Variants in FOXN3 observed in about 807,000 individuals in gnomAD.
FOXN3 encodes the protein forkhead box N3, also known as forkhead box protein N3.
Under a neutral mutation model 38.4 loss-of-function variants are expected in FOXN3, and 7 were observed. The ratio of observed to expected loss-of-function variants is 0.18; its 90% CI spans 0.10 to 0.34. The LOEUF is 0.34. Ranked by LOEUF, FOXN3 falls within the 10% of genes least tolerant of loss-of-function variation. The pLI is 1.00. For missense variants in FOXN3, 456 were observed against 613.4 expected (o/e 0.74, Z 2.71); for synonymous variants, 230 against 242.2 (o/e 0.95, Z 0.47).
chr14:89,511,264 T>C (rs373256256), intron 1 of FOXN3, among the ~76,000 whole-genome samples: 7,520 of 26,892 alleles, frequency 0.28, 2,800 homozygotes, highest in Middle Eastern at 0.58. Flanking sequence ...TCTTTCTTTC[T>C]TTCTTTCTTT....
At chr14:89,554,698 CAAAA>C (rs1230701200) in intron 1 of FOXN3, among the ~76,000 whole-genome samples, 1 of 147,650 alleles carries the variant, frequency 6.8e-6, no homozygotes, top group African/African-American at 2.5e-5. Context: ...AAAGCAAAAA[CAAAA>C]GAAAGAGAAA....
At chr14:89,316,463 C>T (rs1026852850) in intron 3 of FOXN3, among the ~76,000 whole-genome samples, 5 of 152,112 alleles carry the variant, frequency 3.3e-5, no homozygotes, top group African/African-American at 1.2e-4. Flanking sequence ...TCAAGCAATC[C>T]TCCTACCTCA....
intron 3 of FOXN3, among the ~76,000 whole-genome samples, chr14:89,344,891 G>C (rs1888718387): frequency 1.3e-5 from 2 of 152,064 alleles, no homozygotes; most frequent in Non-Finnish European, 2.9e-5. Context: ...TAGGAAGGAG[G>C]GGCACAGGCA....
chr14:89,592,284 G>A (rs1322196865), intron 1 of FOXN3, among the ~76,000 whole-genome samples: 4 of 152,048 alleles, frequency 2.6e-5, no homozygotes, highest in Non-Finnish European at 5.9e-5. Context: ...TTTGGGGGGA[G>A]AAGGGTTTAA....
At chr14:89,350,321 A>G in intron 3 of FOXN3, 1 of 167,480 alleles carries the variant, frequency 6.0e-6, no homozygotes, top group African/African-American at 2.4e-5. Context: ...AGATGAGGGG[A>G]TGATGGAGTT....
chr14:89,399,437 C>G (rs1277568732), intron 2 of FOXN3, among the ~76,000 whole-genome samples: 1 of 152,168 alleles, frequency 6.6e-6, no homozygotes, highest in Non-Finnish European at 1.5e-5. Flanking sequence ...TTCCAATGGC[C>G]GTGGACCTGA....
rs975569746 is a variant in FOXN3 at position 89,548,187 on chromosome 14, C to A, written c.-15+70841G>T. On this transcript the variant is annotated intron_variant, in intron 1 of 6. Transcript: ENST00000345097. The surrounding 1 kb of genome is among the most constrained non-coding windows in gnomAD (Gnocchi z 4.8). ...CCCATTCACTTAGAGTAAAAATTAC[C>A]TTTCACTTGCTTACTCCTGCCTGCG... Among the ~76,000 whole-genome samples the A allele has an allele frequency of 6.6e-5, 10 of 152,162 alleles. No homozygotes were observed. The highest frequency in any genetic ancestry group is 2.4e-4 in the African/African-American group (10 of 41,428).
chr14:89,569,019 A>G (rs1353998708), intron 1 of FOXN3, among the ~76,000 whole-genome samples: 1 of 152,218 alleles, frequency 6.6e-6, no homozygotes, highest in Non-Finnish European at 1.5e-5. Context: ...CCCGGCTAAC[A>G]CGGTGAAACC....
intron 2 of FOXN3, among the ~76,000 whole-genome samples, chr14:89,392,794 C>CCAT (rs1459714948): frequency 2.1e-5 from 3 of 144,842 alleles, no homozygotes; most frequent in Non-Finnish European, 4.6e-5. Flanking sequence ...GTACAGACCA[C>CCAT]CACGCCCAGC....
At chr14:89,303,486 A>T (rs1887280060) in intron 3 of FOXN3, among the ~76,000 whole-genome samples, 1 of 130,190 alleles carries the variant, frequency 7.7e-6, no homozygotes, top group Admixed American at 9.0e-5. Context: ...GGTGTTCAAT[A>T]AACATCTGCT....
chr14:89,430,878 TTGTAGGGG>T (rs1892140869), intron 1 of FOXN3, among the ~76,000 whole-genome samples: 1 of 152,116 alleles, frequency 6.6e-6, no homozygotes, highest in Non-Finnish European at 1.5e-5. Flanking sequence ...CACCTTGAGA[TTGTAGGGG>T]TGAAATGAAT....
intron 3 of FOXN3, among the ~76,000 whole-genome samples, chr14:89,325,304 C>CCAACACCACCAACACCAACACCAA (rs1482354299): frequency 1.5e-5 from 2 of 135,398 alleles, no homozygotes; most frequent in Non-Finnish European, 1.6e-5. Flanking sequence ...AACACCAACA[C>CCAACACCACCAACACCAACACCAA]CACCACCACG....
intron 2 of FOXN3, among the ~76,000 whole-genome samples, chr14:89,399,457 T>C (rs572251982): frequency 5.3e-5 from 8 of 152,324 alleles, no homozygotes; most frequent in African/African-American, 1.9e-4. Flanking sequence ...AGATATGCTT[T>C]GTTGCTCTCT....
At chr14:89,419,349 G>A (rs971172974), upstream of FOXN3, 3 of 366,488 alleles carry the variant, frequency 8.2e-6, no homozygotes, top group African/African-American at 6.4e-5. Flanking sequence ...TCAGCTCTGG[G>A]ACTTGCTTCC....
At chr14:89,458,288 T>C (rs1345844650) in intron 1 of FOXN3, among the ~76,000 whole-genome samples, 1 of 152,190 alleles carries the variant, frequency 6.6e-6, no homozygotes, top group African/African-American at 2.4e-5. Flanking sequence ...TGCCCGGGGC[T>C]CTCTGGGCCT....
chr14:89,288,761 TATATATATG>T (rs1886760582), intron 3 of FOXN3, among the ~76,000 whole-genome samples: 2 of 91,816 alleles, frequency 2.2e-5, no homozygotes, highest in Non-Finnish European at 4.3e-5. Context: ...TATATATATA[TATATATATG>T]CTTGCACTGG....
rs572059183 is a variant in FOXN3, at chr14:89,491,067, C to T, written c.-14-78577G>A. 3.3e-3 allele frequency among the ~76,000 whole-genome samples: 503 copies of T among 152,250 alleles called. 4 individuals are homozygous for T. Among genetic ancestry groups the T allele is most frequent in the African/African-American group, 0.011 (441 of 41,548 alleles). ...TCGGCTCACCACAGCCTCCGCCTCCCGGGTTCAAGCGATTCTCCTGCCTCA... is the reference window on the plus strand; with the variant it reads ...TCGGCTCACCACAGCCTCCGCCTCCTGGGTTCAAGCGATTCTCCTGCCTCA... On this transcript the variant is annotated intron_variant, in intron 1 of 6. Coordinates refer to the FOXN3 transcript ENST00000345097.
Position 89,362,776 on chromosome 14 carries a change from ACCACCACCACCACCATCT to A in FOXN3, c.544-11986_544-11969del, listed in dbSNP as rs1566968499. Among the ~76,000 whole-genome samples, 6 of 123,836 alleles carry A rather than the reference ACCACCACCACCACCATCT, an allele frequency of 4.8e-5. 1 individual carries two copies. The highest frequency in any genetic ancestry group is 1.9e-4 in the African/African-American group (6 of 31,248). 81.2% of individuals were successfully genotyped at this position (123,836 alleles called of 152,430 possible). A position where few individuals can be genotyped will look rare whatever the true frequency, so the allele number is the denominator to read the frequency against. On this transcript the variant is annotated intron_variant, in intron 2 of 5. Transcript: ENST00000557258. ...CACCACCACCACCACCACCACCACC[ACCACCACCACCACCATCT>A]CCACCACCACCTCCACCACCACCAC...
At chr14:89,230,948 C>T in intron 4 of FOXN3, 3 of 449,944 alleles carry the variant, frequency 6.7e-6, no homozygotes, top group Non-Finnish European at 1.3e-5. Flanking sequence ...GTGATAAATC[C>T]CCCATGGCGT....
Sources: gnomAD v4.1 joint callset for allele counts (sites outside exome capture counted in the v4.1 genomes callset) on GRCh38, gnomAD v4.1.1 for gene constraint, Gnocchi (gnomAD v3.1) non-coding constraint, MANE v1.5 for transcripts, NCBI Gene and HGNC (gene_info 2026-07-23, HGNC 2026-07-21) for gene names.